The following IPCEF1 variants were observed in gnomAD, a reference collection of about 807,000 sequenced individuals.
IPCEF1 encodes the protein interaction protein for cytohesin exchange factors 1.
A neutral mutation model predicts 50.9 loss-of-function variants in IPCEF1; 31 were observed. The observed-to-expected ratio is 0.61, with a 90% CI of 0.46 to 0.82. IPCEF1 has a LOEUF of 0.82. Among genes scored for constraint, IPCEF1 ranks in the 40% least tolerant of loss-of-function variants. IPCEF1 has a pLI of 0.00. For synonymous variants in IPCEF1, 181 were observed against 192.0 expected (o/e 0.94, Z 0.47); for missense variants, 458 against 514.0 (o/e 0.89, Z 1.05).
intron 1 of IPCEF1, among the ~76,000 whole-genome samples, chr6:154,342,356 T>C (rs1209446656): frequency 6.6e-6 from 1 of 152,176 alleles, no homozygotes; most frequent in African/African-American, 2.4e-5. Flanking sequence ...TTATTCACCT[T>C]GTCTTATGTA....
chr6:154,313,661 G>A (rs1335283433), intron 1 of IPCEF1, among the ~76,000 whole-genome samples: 2 of 152,258 alleles, frequency 1.3e-5, no homozygotes, highest in Non-Finnish European at 2.9e-5. Context: ...CCAAAATGGT[G>A]TAGAATTGTA....
intron 5 of IPCEF1, among the ~76,000 whole-genome samples, chr6:154,234,723 A>C (rs1190348318): frequency 6.6e-6 from 1 of 152,236 alleles, no homozygotes; most frequent in Non-Finnish European, 1.5e-5. Context: ...GAAAGAGGGA[A>C]AGGGCTCTGA....
In IPCEF1 at chr6:154,189,922, C is replaced by T. The variant is rs369208158; in HGVS notation, c.910+9746G>A. Among the ~76,000 whole-genome samples the T allele has an allele frequency of 5.0e-3, 752 of 150,692 alleles. 2 individuals are homozygous for T. The highest frequency in any genetic ancestry group is 0.017 in the African/African-American group (697 of 40,838). On this transcript the variant is annotated intron_variant, in intron 10 of 11. Coordinates refer to ENST00000367220, the MANE Select transcript of IPCEF1 (RefSeq NM_001130700.2). ...ATGCACCACTACACTCCAGCCTGGG[C>T]GACAGAGTAAGACTCAGTCTCAAAA...
At chr6:154,172,727 C>T (rs1799977066) in intron 10 of IPCEF1, among the ~76,000 whole-genome samples, 1 of 152,258 alleles carries the variant, frequency 6.6e-6, no homozygotes, top group African/African-American at 2.4e-5. Context: ...CCTCTGGGGG[C>T]AGGGCATATC....
At chr6:154,254,436 C>G (rs1781411640) in intron 3 of IPCEF1, among the ~76,000 whole-genome samples, 2 of 152,146 alleles carry the variant, frequency 1.3e-5, no homozygotes, top group African/African-American at 2.4e-5. Flanking sequence ...AGATACTAAT[C>G]AAACAACCAG....
chr6:154,277,121 G>A (rs1385437228), intron 2 of IPCEF1, among the ~76,000 whole-genome samples: 1 of 152,128 alleles, frequency 6.6e-6, no homozygotes, highest in East Asian at 1.9e-4. Flanking sequence ...AACTATGAAG[G>A]GCTCACGTCC....
At chr6:154,309,626 G>C (rs1399035508) in intron 1 of IPCEF1, among the ~76,000 whole-genome samples, 1 of 151,968 alleles carries the variant, frequency 6.6e-6, no homozygotes, top group African/African-American at 2.4e-5. Flanking sequence ...TCTCTGTCCT[G>C]TATTTTTTTT....
chr6:154,247,101 A>G, intron 4 of IPCEF1: 1 of 392,722 alleles, frequency 2.5e-6, no homozygotes, highest in South Asian at 5.7e-5. Flanking sequence ...TAAAATTGTA[A>G]GGCTGGCGGG....
In IPCEF1 at chr6:154,274,908, G is replaced by A. The variant is rs115757193; in HGVS notation, c.-17-8944C>T. ...TTCTACAGAGTTGGGTTTGTTCTGC[G>A]GTTGTCTTAAGTTCCATGACACCTG... On this transcript the variant is annotated intron_variant, in intron 2 of 11. Coordinates refer to ENST00000367220, the MANE Select transcript of IPCEF1 (RefSeq NM_001130700.2). Among the ~76,000 whole-genome samples the A allele has an allele frequency of 6.7e-3, 1,017 of 152,258 alleles. 18 individuals carry two copies. Among genetic ancestry groups the A allele is most frequent in the African/African-American group, 0.023 (953 of 41,546 alleles).
intron 3 of IPCEF1, among the ~76,000 whole-genome samples, chr6:154,249,666 T>A (rs2128645610): frequency 6.6e-6 from 1 of 152,176 alleles, no homozygotes; most frequent in South Asian, 2.1e-4. Flanking sequence ...AGAGAGGAAG[T>A]GATGCTCCTT....
At chr6:154,286,678 A>C (rs539447297) in intron 2 of IPCEF1, among the ~76,000 whole-genome samples, 1 of 152,308 alleles carries the variant, frequency 6.6e-6, no homozygotes, top group South Asian at 2.1e-4. Flanking sequence ...AAAATGGGGA[A>C]TGGGGAGAGC....
At chr6:154,304,287 A>T (rs956513348) in intron 1 of IPCEF1, among the ~76,000 whole-genome samples, 4 of 152,138 alleles carry the variant, frequency 2.6e-5, no homozygotes, top group Non-Finnish European at 5.9e-5. Context: ...ATCAATAAGC[A>T]GCTTCACCAG....
At chr6:154,277,326 A>C (rs1224130379) in intron 2 of IPCEF1, among the ~76,000 whole-genome samples, 1 of 152,224 alleles carries the variant, frequency 6.6e-6, no homozygotes, top group East Asian at 1.9e-4. Flanking sequence ...TGTTAAATTA[A>C]AGTCATTCTT....
intron 7 of IPCEF1, among the ~76,000 whole-genome samples, chr6:154,219,561 C>T (rs539163751): frequency 3.9e-5 from 6 of 152,130 alleles, no homozygotes; most frequent in African/African-American, 1.2e-4. Context: ...TGCTAGCGGG[C>T]GAGACCTTGT....
rs563568263 is a variant in IPCEF1 at position 154,287,511 on chromosome 6, C to T, written c.-18+2202G>A. ...GTCTCCATTTAACAGATGAGGAAAG[C>T]GAAGTGCATAAAGGTTAAGCAGTTT... On this transcript the variant is annotated intron_variant, in intron 2 of 11. Coordinates refer to ENST00000367220, the MANE Select transcript of IPCEF1 (RefSeq NM_001130700.2). Among the ~76,000 whole-genome samples the T allele has an allele frequency of 3.2e-4, 48 of 152,262 alleles. No individual in the cohort carries two copies. The East Asian group carries it at 6.2e-3, about 20-fold the overall frequency.
At chr6:154,313,119 C>A (rs564203488) in intron 1 of IPCEF1, among the ~76,000 whole-genome samples, 1 of 148,424 alleles carries the variant, frequency 6.7e-6, no homozygotes, top group African/African-American at 2.5e-5. Flanking sequence ...CGCCTGTAAT[C>A]CCAGCATTTT....
chr6:154,285,793 T>A (rs1463343544), intron 2 of IPCEF1, among the ~76,000 whole-genome samples: 3 of 152,012 alleles, frequency 2.0e-5, no homozygotes, highest in Non-Finnish European at 4.4e-5. Flanking sequence ...ACCCTTGGAG[T>A]CTGAGTTGTT....
At position 154,180,386 on chromosome 6, in the gene IPCEF1, C is replaced by CTA. The variant is rs58975780; in HGVS notation, c.911-12275_911-12274dup. 7.2e-3 allele frequency among the ~76,000 whole-genome samples: 634 copies of CTA among 88,212 alleles called. 4 individuals carry two copies. The highest frequency in any genetic ancestry group is 0.056 in the Middle Eastern group (9 of 162). 57.9% of individuals were successfully genotyped at this position (88,212 alleles called of 152,430 possible). Reference sequence around the variant, plus strand: ...TACTGAGCTAGTTTAACAACAACAACTATATATATATATATATATATATAT... The same window carrying CTA: ...TACTGAGCTAGTTTAACAACAACAACTATATATATATATATATATATATATAT... On this transcript the variant is annotated intron_variant, in intron 10 of 11. Coordinates refer to ENST00000367220, the MANE Select transcript of IPCEF1 (RefSeq NM_001130700.2).
At chr6:154,210,302 A>G (rs754606365) in intron 9 of IPCEF1, among the ~76,000 whole-genome samples, 2 of 152,218 alleles carry the variant, frequency 1.3e-5, no homozygotes, top group Non-Finnish European at 2.9e-5. Context: ...CTAAATAATC[A>G]TAAAAAGAGG....
Sources: gnomAD v4.1 joint callset for allele counts (sites outside exome capture counted in the v4.1 genomes callset) on GRCh38, gnomAD v4.1.1 for gene constraint, MANE v1.5 for transcripts, NCBI Gene and HGNC (gene_info 2026-07-23, HGNC 2026-07-21) for gene names.